KRT20: variants seen among roughly 807,000 people sequenced by gnomAD.
KRT20 encodes the protein keratin 20.
A neutral mutation model predicts 43.0 loss-of-function variants in KRT20; 41 were observed. The observed-to-expected ratio is 0.95, with a 90% CI of 0.74 to 1.24. The LOEUF is 1.24. Ranked by LOEUF, KRT20 falls within the 50% of genes most tolerant of loss-of-function variation. The pLI, the probability that KRT20 is intolerant of heterozygous loss-of-function variation, is 0.00. For synonymous variants in KRT20, 207 were observed against 200.6 expected (o/e 1.03, Z -0.27); for missense variants, 533 against 521.2 (o/e 1.02, Z -0.22).
Position 40,877,434 on chromosome 17 carries a change from T to A in KRT20, c.1140-17A>T. The stretch of plus-strand genomic sequence containing the variant: ...TCTGTAGTTCTGTTTTTTTTTTTAA[T>A]GAAAAGAAGAAAAAAGAAACAGAAA... On this transcript the variant is annotated splice_polypyrimidine_tract_variant and intron_variant, in intron 6 of 7. Transcript: ENST00000167588. 7.0e-7 allele frequency: 1 copy of A among 1,432,754 alleles called. No homozygotes were observed. Among genetic ancestry groups the A allele is most frequent in the Non-Finnish European group, 9.4e-7 (1 of 1,069,042 alleles). The allele number at this position is 1,432,754 out of a possible 1,614,324, so 88.8% of individuals were successfully genotyped here.
chr17:40,884,803 C>A lies in KRT20; in HGVS notation c.383G>T (p.Arg128Leu), dbSNP rs201355464. The change falls in exon 1 of 8, where the codon CGA (arginine) becomes CTA (leucine). Residue 128 changes from arginine to leucine, a missense_variant. Coordinates refer to ENST00000167588, the MANE Select transcript of KRT20 (RefSeq NM_019010.3). ...ACAAGCATCATCTCTCACCTGACTTCGCAGCTCTTCAATTTGTCTGTAATA... is the reference window on the plus strand; with the variant it reads ...ACAAGCATCATCTCTCACCTGACTTAGCAGCTCTTCAATTTGTCTGTAATA... ...SAYYRQIEEL[R>L]SQIKDAQLQN... 8 of 1,611,624 alleles carry A rather than the reference C, an allele frequency of 5.0e-6. No homozygotes were observed. Among genetic ancestry groups the A allele is most frequent in the South Asian group, 1.1e-5 (1 of 90,820 alleles).
At chr17:40,878,819 T>G (rs1907464231) in intron 5 of KRT20, among the ~76,000 whole-genome samples, 1 of 151,638 alleles carries the variant, frequency 6.6e-6, no homozygotes, top group Non-Finnish European at 1.5e-5. Context: ...TTTTTTTTTT[T>G]GGGACGGAGT....
At position 40,876,374 on chromosome 17, in the gene KRT20, TC is replaced by T; in HGVS notation, c.1261del (p.Glu421LysfsTer6). On this transcript the variant is annotated frameshift_variant, in exon 8 of 8. Transcript: ENST00000167588. LOFTEE classifies it high-confidence loss of function. ...KVVSSEVKEVEENI is the reference protein window; with the variant it reads ...KVVSSEVKEVXENI ...TCTGGTAGCTATTTAGATATTTTCT[TC>T]CACCTCTTTGACTTCAGATGACACG... The T allele has an allele frequency of 2.5e-6, 4 of 1,608,368 alleles. No homozygotes were observed. The highest frequency in any genetic ancestry group is 1.7e-4 in the Middle Eastern group (1 of 6,054).
Position 40,876,111 on chromosome 17 carries a change from C to A in KRT20, c.*250G>T, listed in dbSNP as rs1907336551. ...TTGATGTGCTTCATGATAAAGATGG[C>A]AGTAATGATGTTTTAAATATTCTAG... On this transcript the variant is annotated 3_prime_UTR_variant, in exon 8 of 8. Coordinates refer to ENST00000167588, the MANE Select transcript of KRT20 (RefSeq NM_019010.3). 2.7e-6 allele frequency: 1 copy of A among 365,060 alleles called. No homozygotes were observed. The highest frequency in any genetic ancestry group is 4.9e-6 in the Non-Finnish European group (1 of 202,640). The allele number at this position is 365,060 out of a possible 1,614,324, so 22.6% of individuals were successfully genotyped here.
chr17:40,884,132 T>C (rs767590312), intron 1 of KRT20, among the ~76,000 whole-genome samples: 5 of 152,216 alleles, frequency 3.3e-5, no homozygotes, highest in African/African-American at 4.8e-5. Flanking sequence ...TCCACCCTTT[T>C]TTTGATGACA....
At chr17:40,882,372 C>T (rs1057273007) in intron 2 of KRT20, 200 bp downstream of exon 2, 14 of 290,856 alleles carry the variant, frequency 4.8e-5, no homozygotes, top group Non-Finnish European at 9.3e-5. Flanking sequence ...AGTTACATGC[C>T]GGGGGATCAA....
chr17:40,884,901 G>A lies in KRT20; in HGVS notation c.285C>T (p.Asn95=), dbSNP rs749097426. 4 of 1,614,240 alleles carry A rather than the reference G, an allele frequency of 2.5e-6. No individual in the cohort carries two copies. The highest frequency in any genetic ancestry group is 3.4e-6 in the Non-Finnish European group (4 of 1,180,046). ...LEKVRTLEQS[N]SKLEVQIKQW... ...GCTTGATTTGCACTTCAAGTTTGGA[G>A]TTGGACTGCTCCAGGGTCCGCACCT... The change falls in exon 1 of 8, where the codon AAC becomes AAT. Residue 95 remains asparagine, a synonymous_variant. Transcript: ENST00000167588.
chr17:40,876,928 G>A (rs1489383876), intron 7 of KRT20, among the ~76,000 whole-genome samples: 1 of 152,194 alleles, frequency 6.6e-6, no homozygotes, highest in East Asian at 1.9e-4. Flanking sequence ...GAGTTCATGT[G>A]TGGAAAACTT....
rs1245428960 is a variant in KRT20, at chr17:40,875,989, G to T, written c.*372C>A. 6.1e-6 allele frequency: 1 copy of T among 162,922 alleles called. No individual in the cohort carries two copies. The highest frequency in any genetic ancestry group is 2.4e-5 in the African/African-American group (1 of 41,970). The allele number at this position is 162,922 out of a possible 1,614,324, so 10.1% of individuals were successfully genotyped here. A position where few individuals can be genotyped will look rare whatever the true frequency, so the allele number is the denominator to read the frequency against. ...AAGTGGTTTATTTGCAATTTACATG[G>T]ATTCCTCTACTTTGTGAGGTTTAGT... On this transcript the variant is annotated 3_prime_UTR_variant, in exon 8 of 8. Transcript: ENST00000167588.
intron 2 of KRT20, 42 bp downstream of exon 2, chr17:40,882,530 A>G (rs749853735): frequency 2.8e-6 from 3 of 1,090,028 alleles, no homozygotes; most frequent in African/African-American, 3.2e-5. Context: ...CTACTAAAGG[A>G]ATTCTTTTTC....
intron 5 of KRT20, 26 bp downstream of exon 5, chr17:40,879,787 A>G (rs1476474420): frequency 6.2e-7 from 1 of 1,611,720 alleles, no homozygotes. Context: ...TACTAGATTG[A>G]GAAAGAGAAG....
At chr17:40,881,879 CT>C (rs112248312) in intron 2 of KRT20, among the ~76,000 whole-genome samples, 36 of 146,202 alleles carry the variant, frequency 2.5e-4, no homozygotes, top group Non-Finnish European at 2.7e-4. Context: ...TTCTTTCTTC[CT>C]TTTTTTTTTT....
intron 2 of KRT20, among the ~76,000 whole-genome samples, chr17:40,881,114 TTTAC>T (rs1332556450): frequency 6.6e-6 from 1 of 152,198 alleles, no homozygotes; most frequent in Non-Finnish European, 1.5e-5. Context: ...AATGGTTAGT[TTTAC>T]TTAATGAATG....
intron 1 of KRT20, 35 bp from the exon 2 acceptor site, chr17:40,882,689 T>TTTTATCTA: frequency 1.9e-6 from 1 of 530,426 alleles, no homozygotes; most frequent in Non-Finnish European, 2.8e-6. Flanking sequence ...ACATTTTCTT[T>TTTTATCTA]TTTATTTATT....
intron 5 of KRT20, 83 bp downstream of exon 5, chr17:40,879,730 G>A: frequency 6.8e-7 from 1 of 1,469,326 alleles, no homozygotes; most frequent in South Asian, 1.2e-5. Flanking sequence ...ATTTCTTGTA[G>A]GTCTTTGCAT....
chr17:40,880,702 T>C lies in KRT20; in HGVS notation c.542A>G (p.Asp181Gly), dbSNP rs952823562. 6.2e-7 allele frequency: 1 copy of C among 1,608,526 alleles called. No individual in the cohort carries two copies. The highest frequency in any genetic ancestry group is 8.5e-7 in the Non-Finnish European group (1 of 1,177,654). Reference sequence around the variant, plus strand: ...ATCTGTTTTATGTAGGGTTAGGTCATCAAAGACCTTATTCAGGCCTTGGAG... The same window carrying C: ...ATCTGTTTTATGTAGGGTTAGGTCACCAAAGACCTTATTCAGGCCTTGGAG... Reference protein sequence around the residue: ...ADLQGLNKVFDDLTLHKTDLE... With the variant: ...ADLQGLNKVFGDLTLHKTDLE... Residue 181 changes from aspartate (D) to glycine (G), a missense_variant, in exon 3 of 8, where the codon GAT becomes GGT. Asp to Gly is a moderately conservative substitution (Grantham distance 94, BLOSUM62 -1). Coordinates refer to ENST00000167588, the MANE Select transcript of KRT20 (RefSeq NM_019010.3).
intron 1 of KRT20, 35 bp downstream of exon 1, chr17:40,884,761 A>G: frequency 1.3e-6 from 2 of 1,583,188 alleles, no homozygotes; most frequent in Non-Finnish European, 1.7e-6. Flanking sequence ...CTTGAAGCTA[A>G]ACACAGAGTA....
At chr17:40,882,285 G>A (rs1222023927) in intron 2 of KRT20, among the ~76,000 whole-genome samples, 3 of 152,150 alleles carry the variant, frequency 2.0e-5, no homozygotes, top group Non-Finnish European at 4.4e-5. Flanking sequence ...GCAGAATTAG[G>A]TTTAGATACC....
intron 1 of KRT20, among the ~76,000 whole-genome samples, chr17:40,883,197 T>A (rs1476897385): frequency 3.9e-5 from 6 of 152,194 alleles, no homozygotes; most frequent in Non-Finnish European, 7.3e-5. Flanking sequence ...CAGGGTTTGG[T>A]CTACTTTCTT....
Sources: gnomAD v4.1 joint callset for allele counts (sites outside exome capture counted in the v4.1 genomes callset) on GRCh38, gnomAD v4.1.1 for gene constraint, MANE v1.5 for transcripts, NCBI Gene and HGNC (gene_info 2026-07-23, HGNC 2026-07-21) for gene names.